The following TLR8 variants were observed in gnomAD, a reference collection of about 807,000 sequenced individuals.
The protein encoded by TLR8 is toll-like receptor 8.
TLR8 carries 5 observed loss-of-function variants against 18.5 expected under a neutral mutation model. That is an observed-to-expected ratio of 0.27 (90% CI 0.14 to 0.57). TLR8 has a LOEUF of 0.57. Ranked by LOEUF, TLR8 falls within the 20% of genes least tolerant of loss-of-function variation. The pLI, the probability that TLR8 is intolerant of heterozygous loss-of-function variation, is 0.92. For synonymous variants in TLR8, 299 were observed against 300.1 expected (o/e 1.00, Z 0.04); for missense variants, 543 against 769.8 (o/e 0.71, Z 3.49).
intron 1 of TLR8, among the ~76,000 whole-genome samples, chrX:12,915,419 G>A (rs1031294520): frequency 8.9e-6 from 1 of 112,721 alleles, no homozygotes; most frequent in Non-Finnish European, 1.9e-5. Context: ...ACCTGCCTCA[G>A]CTTCCCAAAC....
At chrX:12,912,507 G>C (rs1160626730) in intron 1 of TLR8, among the ~76,000 whole-genome samples, 4 of 113,581 alleles carry the variant, frequency 3.5e-5, no homozygotes, top group Non-Finnish European at 7.5e-5. Flanking sequence ...TGCAAAGTGA[G>C]CATTAGCAAT....
At position 12,919,226 on chromosome X, in the gene TLR8, C is replaced by T; in HGVS notation, c.186C>T (p.Gly62=). Reference sequence around the variant, plus strand: ...TACAGGAAGTTCCCCAAACGGTGGGCAAATATGTGACAGAACTAGACCTGT... The same window carrying T: ...TACAGGAAGTTCCCCAAACGGTGGGTAAATATGTGACAGAACTAGACCTGT... ...RRLQEVPQTV[G]KYVTELDLSD... The change falls in exon 2 of 2, where the codon GGC becomes GGT. Residue 62 remains glycine (G), a synonymous_variant. Transcript: ENST00000218032. 8.3e-7 allele frequency: 1 copy of T among 1,211,656 alleles called. No individual in the cohort carries two copies. Among genetic ancestry groups the T allele is most frequent in the Non-Finnish European group, 1.1e-6 (1 of 895,331 alleles).
At chrX:12,908,922 A>T (rs2043002439) in intron 1 of TLR8, among the ~76,000 whole-genome samples, 1 of 112,242 alleles carries the variant, frequency 8.9e-6, no homozygotes, top group Middle Eastern at 4.6e-3. Context: ...CTCAGAGATT[A>T]TGAAAGAGAA....
chrX:12,919,989 G>A lies in TLR8; in HGVS notation c.949G>A (p.Asp317Asn). The change falls in exon 2 of 2, where the codon GAT becomes AAT. Residue 317 changes from aspartate to asparagine, a missense_variant. Around this residue, in one of 4 missense-constraint regions of TLR8, gnomAD observed 185 missense variants for 298.9 expected, o/e 0.62. Transcript: ENST00000218032. ...AAATATGCCTCATCTGAAGGTGCTG[G>A]ATCTTGAATTCAACTATTTAGTGGG... ...FKNMPHLKVLDLEFNYLVGEI... is the reference protein window; with the variant it reads ...FKNMPHLKVLNLEFNYLVGEI... The A allele has an allele frequency of 8.3e-7, 1 of 1,211,786 alleles. No homozygotes were observed. The highest frequency in any genetic ancestry group is 1.1e-6 in the Non-Finnish European group (1 of 895,545).
chrX:12,922,579 AG>A lies in TLR8; in HGVS notation c.*414del, dbSNP rs903104356. On this transcript the variant is annotated 3_prime_UTR_variant, in exon 2 of 2. Coordinates refer to ENST00000218032, the MANE Select transcript of TLR8 (RefSeq NM_138636.5). ...CAATCTTTTGTAATCGAATCAAAAA[AG>A]TGATATCTCATCACTTTGGCCATAT... 1 of 124,635 alleles carries A rather than the reference AG, an allele frequency of 8.0e-6. No homozygotes were observed. The highest frequency in any genetic ancestry group is 1.6e-5 in the Non-Finnish European group (1 of 61,518). The allele number at this position is 124,635 out of a possible 1,213,427, so 10.3% of individuals were successfully genotyped here.
In TLR8 at chrX:12,922,441, C is replaced by T. The variant is rs1318605931; in HGVS notation, c.*275C>T. 3.2e-6 allele frequency: 1 copy of T among 315,011 alleles called. No homozygotes were observed. The highest frequency in any genetic ancestry group is 5.5e-6 in the Non-Finnish European group (1 of 182,508). The allele number at this position is 315,011 out of a possible 1,213,427, so 26.0% of individuals were successfully genotyped here. A position where few individuals can be genotyped will look rare whatever the true frequency, so the allele number is the denominator to read the frequency against. ...TGGTTGTTTTCTGGATTCAATTCCT[C>T]CTGGGCTATTGGCCAAAGGCTATAC... On this transcript the variant is annotated 3_prime_UTR_variant, in exon 2 of 2. Transcript: ENST00000218032.
intron 1 of TLR8, chrX:12,910,334 C>CT: frequency 8.6e-7 from 1 of 1,162,739 alleles, no homozygotes. Flanking sequence ...TGTTAGGGAA[C>CT]ATCAGCAAGA....
At chrX:12,913,826 T>C in intron 1 of TLR8, among the ~76,000 whole-genome samples, 1 of 112,390 alleles carries the variant, frequency 8.9e-6, no homozygotes, top group South Asian at 3.7e-4. Context: ...TAAGAGTGTT[T>C]GTTTCCCCAT....
Position 12,919,601 on chromosome X carries a change from C to A in TLR8, c.561C>A (p.Cys187Ter), listed in dbSNP as rs5744079. ...LAWNCYFNKV[C>*]EKTNIEDGVF... Reference sequence around the variant, plus strand: ...GGAACTGCTATTTTAACAAAGTTTGCGAGAAAACTAACATAGAAGATGGAG... The same window carrying A: ...GGAACTGCTATTTTAACAAAGTTTGAGAGAAAACTAACATAGAAGATGGAG... The change falls in exon 2 of 2, where the codon TGC (cysteine) becomes TGA (stop). Residue 187 changes from cysteine (C) to a stop codon, truncating the protein, a stop_gained. Transcript: ENST00000218032. LOFTEE classifies it low-confidence loss of function (END_TRUNC). 4.1e-6 allele frequency: 5 copies of A among 1,206,926 alleles called. No homozygotes were observed.
In TLR8 at chrX:12,922,486, C is replaced by A. The variant is rs2043102986; in HGVS notation, c.*320C>A. 1 of 201,115 alleles carries A rather than the reference C, an allele frequency of 5.0e-6. No homozygotes were observed. The highest frequency in any genetic ancestry group is 9.1e-6 in the Non-Finnish European group (1 of 109,767). The allele number at this position is 201,115 out of a possible 1,213,427, so 16.6% of individuals were successfully genotyped here. A position where few individuals can be genotyped will look rare whatever the true frequency, so the allele number is the denominator to read the frequency against. On this transcript the variant is annotated 3_prime_UTR_variant, in exon 2 of 2. Coordinates refer to ENST00000218032, the MANE Select transcript of TLR8 (RefSeq NM_138636.5). ...CTATACTCATGTAAGCCATGCGAGCCTCTCCCACAAGGCAGCTTGCTTCAT... is the reference window on the plus strand; with the variant it reads ...CTATACTCATGTAAGCCATGCGAGCATCTCCCACAAGGCAGCTTGCTTCAT...
chrX:12,920,579 T>C lies in TLR8; in HGVS notation c.1539T>C (p.Ser513=), dbSNP rs1466768963. The C allele has an allele frequency of 5.0e-6, 6 of 1,210,838 alleles. No individual in the cohort carries two copies. The highest frequency in any genetic ancestry group is 6.7e-6 in the Non-Finnish European group (6 of 895,047). Residue 513 remains serine, a synonymous_variant, in exon 2 of 2, where the codon TCT becomes TCC. Coordinates refer to ENST00000218032, the MANE Select transcript of TLR8 (RefSeq NM_138636.5). Reference sequence around the variant, plus strand: ...CTGACATTGCCTGTTTAAATCTGTCTGCAAATAGCAATGCTCAAGTGTTAA... The same window carrying C: ...CTGACATTGCCTGTTTAAATCTGTCCGCAAATAGCAATGCTCAAGTGTTAA... ...NLPDIACLNL[S]ANSNAQVLSG... is the part of the protein sequence containing the mutation.
At chrX:12,915,923 C>A (rs1480546297) in intron 1 of TLR8, among the ~76,000 whole-genome samples, 2 of 110,023 alleles carry the variant, frequency 1.8e-5, no homozygotes, top group Non-Finnish European at 3.8e-5. Context: ...CTCTTGTTGC[C>A]CAGGCTGGAG....
chrX:12,913,183 C>T (rs779291052), intron 1 of TLR8, among the ~76,000 whole-genome samples: 69 of 112,054 alleles, frequency 6.2e-4, no homozygotes, highest in Non-Finnish European at 1.3e-4. Context: ...GATCAAGGTA[C>T]ACATAAATAG....
chrX:12,908,285 G>A (rs763130204), intron 1 of TLR8: 2 of 112,128 alleles, frequency 1.8e-5, no homozygotes, highest in East Asian at 5.6e-4. Flanking sequence ...ATGTTGCAGT[G>A]AGCAAAGATC....
Position 12,919,233 on chromosome X carries a change from G to C in TLR8, c.193G>C (p.Val65Leu). 5 of 1,211,885 alleles carry C rather than the reference G, an allele frequency of 4.1e-6. No individual in the cohort carries two copies. The highest frequency in any genetic ancestry group is 5.6e-6 in the Non-Finnish European group (5 of 895,455). Reference protein sequence around the residue: ...QEVPQTVGKYVTELDLSDNFI... With the variant: ...QEVPQTVGKYLTELDLSDNFI... ...AGTTCCCCAAACGGTGGGCAAATAT[G>C]TGACAGAACTAGACCTGTCTGATAA... Residue 65 changes from valine to leucine, a missense_variant, in exon 2 of 2, where the codon GTG (valine) becomes CTG (leucine). Val to Leu is a conservative substitution (Grantham distance 32). Around this residue, in one of 4 missense-constraint regions of TLR8, gnomAD observed 117 missense variants for 111.0 expected, o/e 1.05. Transcript: ENST00000218032.
chrX:12,920,834 T>C lies in TLR8; in HGVS notation c.1794T>C (p.Thr598=). ...ACTTGAGCCACAACAACATTTATAC[T>C]TTAACAGATAAGTATAACCTGGAAA... is the stretch of plus-strand genomic sequence containing the variant. ...VLNLSHNNIY[T]LTDKYNLESK... Residue 598 remains threonine (T), a synonymous_variant, in exon 2 of 2, where the codon ACT becomes ACC. Coordinates refer to ENST00000218032, the MANE Select transcript of TLR8 (RefSeq NM_138636.5). 8.3e-7 allele frequency: 1 copy of C among 1,211,517 alleles called. No individual in the cohort carries two copies. Among genetic ancestry groups the C allele is most frequent in the Non-Finnish European group, 1.1e-6 (1 of 895,217 alleles).
Position 12,923,047 on chromosome X carries a change from G to A in TLR8, c.*881G>A, listed in dbSNP as rs2043107261. On this transcript the variant is annotated 3_prime_UTR_variant, in exon 2 of 2. Transcript: ENST00000218032. ...AGAACTGAGATGGATAGCTTTTAAA[G>A]CATCTTTTACTTCTTACCATTTTTT... The A allele has an allele frequency of 8.9e-6, 1 of 112,044 alleles. No homozygotes were observed. Among genetic ancestry groups the A allele is most frequent in the African/African-American group, 3.2e-5 (1 of 30,829 alleles). 9.2% of individuals were successfully genotyped at this position (112,044 alleles called of 1,213,427 possible).
rs2147258466 is a variant in TLR8, at chrX:12,919,385, T to G, written c.345T>G (p.Asn115Lys). 8.3e-7 allele frequency: 1 copy of G among 1,211,723 alleles called. No homozygotes were observed. The highest frequency in any genetic ancestry group is 3.0e-5 in the East Asian group (1 of 33,871). Residue 115 changes from asparagine (N) to lysine (K), a missense_variant, in exon 2 of 2, where the codon AAT (asparagine) becomes AAG (lysine). Coordinates refer to ENST00000218032, the MANE Select transcript of TLR8 (RefSeq NM_138636.5). Reference protein sequence around the residue: ...GNPGIQSNGLNITDGAFLNLK... With the variant: ...GNPGIQSNGLKITDGAFLNLK... ...CCGGTATACAATCAAATGGCTTGAATATCACAGACGGGGCATTCCTCAACC... is the reference window on the plus strand; with the variant it reads ...CCGGTATACAATCAAATGGCTTGAAGATCACAGACGGGGCATTCCTCAACC...
intron 1 of TLR8, chrX:12,910,162 G>C: frequency 2.2e-6 from 1 of 463,822 alleles, no homozygotes; most frequent in Non-Finnish European, 3.4e-6. Context: ...GGTCAACATT[G>C]TTAACTGCGA....
Sources: allele counts gnomAD v4.1 joint callset (sites outside exome capture counted in the v4.1 genomes callset), GRCh38; gene constraint gnomAD v4.1.1; regional missense constraint gnomAD v4.1.1; transcripts MANE v1.5; gene names NCBI Gene and HGNC (gene_info 2026-07-23, HGNC 2026-07-21).